Variants in TPD52L1 observed in about 807,000 individuals in gnomAD.
TPD52L1 encodes the protein TPD52 like 1.
A neutral mutation model predicts 28.7 loss-of-function variants in TPD52L1; 18 were observed. The ratio of observed to expected loss-of-function variants is 0.63; its 90% confidence interval spans 0.43 to 0.93. The LOEUF is 0.93. Ranked by LOEUF, TPD52L1 falls within the 40% of genes least tolerant of loss-of-function variation. The probability of loss-of-function intolerance (pLI) is 0.00; values close to 1 mark genes in which losing one functional copy is unlikely to be tolerated. For synonymous variants in TPD52L1, 75 were observed against 88.8 expected, an observed-to-expected ratio of 0.84 and a Z score of 0.88; for missense variants, 203 against 254.8, an observed-to-expected ratio of 0.80 and a Z score of 1.39.
intron 3 of TPD52L1, among the ~76,000 whole-genome samples, chr6:125,239,070 G>C (rs908476113): frequency 1.3e-5 from 2 of 152,162 alleles, no homozygotes. Flanking sequence ...TTCTGTAGTG[G>C]TTGTAGTTTA....
intron 1 of TPD52L1, among the ~76,000 whole-genome samples, chr6:125,183,237 G>A (rs1562236965): frequency 6.6e-6 from 1 of 152,156 alleles, no homozygotes; most frequent in African/African-American, 2.4e-5. Flanking sequence ...CAGCATTTTG[G>A]GAAGCCGAGG....
chr6:125,154,396 C>T (rs1251090317), intron 1 of TPD52L1: 1 of 995,790 alleles, frequency 1.0e-6, no homozygotes, highest in Non-Finnish European at 1.2e-6. Flanking sequence ...TTGTGGCTCC[C>T]AAGTTAGGGA....
intron 2 of TPD52L1, among the ~76,000 whole-genome samples, chr6:125,226,076 C>T (rs1795589396): frequency 6.6e-6 from 1 of 152,268 alleles, no homozygotes; most frequent in East Asian, 1.9e-4. Context: ...CCTTTTGGAA[C>T]CTTACACGTT....
intron 2 of TPD52L1, among the ~76,000 whole-genome samples, chr6:125,223,602 G>A (rs112578959): frequency 0.016 from 2,427 of 151,462 alleles, 17 homozygotes; most frequent in African/African-American, 0.029. Flanking sequence ...CCAGCTACTT[G>A]GGAGGCTGAG....
At chr6:125,197,798 G>A (rs1471051673) in intron 1 of TPD52L1, among the ~76,000 whole-genome samples, 5 of 152,220 alleles carry the variant, frequency 3.3e-5, no homozygotes, top group African/African-American at 7.2e-5. Flanking sequence ...CAGCACAGGC[G>A]CTAGTGTCTC....
At chr6:125,192,502 T>C (rs901190739) in intron 1 of TPD52L1, among the ~76,000 whole-genome samples, 2 of 152,080 alleles carry the variant, frequency 1.3e-5, no homozygotes, top group African/African-American at 2.4e-5. Flanking sequence ...CCAGGGGTTG[T>C]GCTGTTGCCA....
At chr6:125,223,540 C>G (rs1289276664) in intron 2 of TPD52L1, among the ~76,000 whole-genome samples, 1 of 151,934 alleles carries the variant, frequency 6.6e-6, no homozygotes, top group Non-Finnish European at 1.5e-5. Flanking sequence ...GAAACCCTGT[C>G]TCTATTAAAA....
At chr6:125,207,616 A>G (rs954997222) in intron 1 of TPD52L1, among the ~76,000 whole-genome samples, 2 of 152,236 alleles carry the variant, frequency 1.3e-5, no homozygotes, top group African/African-American at 2.4e-5. Context: ...CTTACTGCCT[A>G]TTAGAAAAGA....
intron 2 of TPD52L1, among the ~76,000 whole-genome samples, chr6:125,225,995 C>T (rs1048377062): frequency 6.6e-6 from 1 of 152,134 alleles, no homozygotes; most frequent in Non-Finnish European, 1.5e-5. Flanking sequence ...CAGCAGCAGC[C>T]TTTAAGGTAT....
chr6:125,154,017 T>C (rs764580202), intron 1 of TPD52L1, 47 bp downstream of exon 1: 8 of 1,579,520 alleles, frequency 5.1e-6, no homozygotes, highest in Admixed American at 1.8e-5. Flanking sequence ...GGGGCGCGCA[T>C]AAAGGCTCTT....
intron 1 of TPD52L1, among the ~76,000 whole-genome samples, chr6:125,178,711 A>T (rs1482082359): frequency 6.6e-6 from 1 of 152,146 alleles, no homozygotes; most frequent in Non-Finnish European, 1.5e-5. Context: ...CAATGAAGGC[A>T]GGATGTGAAA....
chr6:125,177,037 C>CATAA (rs913748140), intron 1 of TPD52L1, among the ~76,000 whole-genome samples: 39 of 152,058 alleles, frequency 2.6e-4, no homozygotes, highest in African/African-American at 8.9e-4. Context: ...GACCTTGTCT[C>CATAA]ATAAATAAAT....
At chr6:125,192,804 C>G (rs1793144875) in intron 1 of TPD52L1, among the ~76,000 whole-genome samples, 1 of 152,174 alleles carries the variant, frequency 6.6e-6, no homozygotes, top group Admixed American at 6.5e-5. Context: ...CTCACATCTG[C>G]ACCTGACTTG....
intron 1 of TPD52L1, chr6:125,154,656 G>A (rs910683997): frequency 2.5e-5 from 10 of 407,962 alleles, no homozygotes; most frequent in South Asian, 2.0e-4. Flanking sequence ...CTTCAGGAAG[G>A]GCGGCCTCAT....
intron 1 of TPD52L1, among the ~76,000 whole-genome samples, chr6:125,160,850 C>CTTTTTTTT (rs57061570): frequency 7.7e-6 from 1 of 129,480 alleles, no homozygotes; most frequent in Non-Finnish European, 1.6e-5. Flanking sequence ...ACAGAGATGA[C>CTTTTTTTT]TTTTTTTTTT....
At chr6:125,257,059 A>G (rs1797649987) in intron 5 of TPD52L1, 39 bp from the exon 6 acceptor site, 1 of 1,570,512 alleles carries the variant, frequency 6.4e-7, no homozygotes, top group East Asian at 2.3e-5. Flanking sequence ...TAAGACAGCT[A>G]GGCCTTTGGA....
rs768375736 is a variant in TPD52L1 at position 125,248,325 on chromosome 6, G to A, written c.328G>A (p.Ala110Thr). 2.1e-5 allele frequency: 34 copies of A among 1,614,028 alleles called. No homozygotes were observed. Among genetic ancestry groups the A allele is most frequent in the Admixed American group, 1.8e-4 (11 of 60,000 alleles). Residue 110 changes from alanine (A) to threonine (T), a missense_variant, in exon 4 of 7, where the codon GCA becomes ACA. Physicochemically the swap from Ala to Thr is moderately conservative, Grantham distance 58. Coordinates refer to ENST00000534000, the MANE Select transcript of TPD52L1 (RefSeq NM_003287.4). ...HETLSHAGQK[A>T]TAAFSNVGTA... Reference sequence around the variant, plus strand: ...AACCCTGAGTCACGCAGGGCAAAAGGCAACTGCAGCTTTCAGCAACGTTGG... The same window carrying A: ...AACCCTGAGTCACGCAGGGCAAAAGACAACTGCAGCTTTCAGCAACGTTGG...
At chr6:125,173,165 G>A (rs1263380017) in intron 1 of TPD52L1, among the ~76,000 whole-genome samples, 1 of 152,090 alleles carries the variant, frequency 6.6e-6, no homozygotes, top group Non-Finnish European at 1.5e-5. Flanking sequence ...GTGTGTGTGA[G>A]CACATGTTCA....
At chr6:125,250,957 A>G (rs1018556222) in intron 4 of TPD52L1, among the ~76,000 whole-genome samples, 1 of 152,210 alleles carries the variant, frequency 6.6e-6, no homozygotes, top group African/African-American at 2.4e-5. Context: ...TATTTATATA[A>G]TATTTTATGT....
Sources: allele counts gnomAD v4.1 joint callset (sites outside exome capture counted in the v4.1 genomes callset), GRCh38; gene constraint gnomAD v4.1.1; transcripts MANE v1.5; gene names NCBI Gene and HGNC (gene_info 2026-07-23, HGNC 2026-07-21).